Variants in TBCD observed in about 807,000 individuals in gnomAD.
The protein encoded by TBCD is tubulin-specific chaperone D.
TBCD carries 105 observed loss-of-function variants against 169.3 expected under a neutral mutation model. That is an observed-to-expected ratio of 0.62 (90% CI 0.53 to 0.73). The LOEUF (loss-of-function observed/expected upper bound fraction) is 0.73, where lower values mean the gene tolerates loss of function less well. TBCD is among the 30% of genes least tolerant of loss of function. TBCD has a pLI of 0.00. For missense variants in TBCD, 1,444 were observed against 1,600.1 expected (o/e 0.90, Z 1.66); for synonymous variants, 700 against 643.9 (o/e 1.09, Z -1.32).
chr17:82,799,397 C>T lies in TBCD; in HGVS notation c.818-1467C>T, dbSNP rs370358002. Among the ~76,000 whole-genome samples the T allele has an allele frequency of 7.4e-5, 10 of 134,734 alleles. No individual in the cohort carries two copies. In the East Asian group the frequency reaches 1.6e-3, roughly 21 times the overall value. 88.4% of individuals were successfully genotyped at this position (134,734 alleles called of 152,430 possible). ...GTTGGAGGTTGCAGTGAGCTGAGAT[C>T]GCGCCACAGCACTCTAGCCTGGCGA... On this transcript the variant is annotated intron_variant, in intron 8 of 38. Transcript: ENST00000355528.
chr17:82,873,569 G>A (rs2057760507), intron 14 of TBCD, among the ~76,000 whole-genome samples: 1 of 152,226 alleles, frequency 6.6e-6, no homozygotes. Flanking sequence ...GCTGGGGCCG[G>A]AGAGAAAAGT....
intron 13 of TBCD, chr17:82,860,296 ATGG>A: frequency 1.1e-6 from 1 of 905,284 alleles, no homozygotes; most frequent in Non-Finnish European, 1.3e-6. Flanking sequence ...CGCCCCCTGC[ATGG>A]CGGTCACGCT....
intron 6 of TBCD, among the ~76,000 whole-genome samples, chr17:82,779,004 ATTT>A (rs2048776220): frequency 2.4e-5 from 1 of 41,054 alleles, no homozygotes; most frequent in Non-Finnish European, 4.4e-5. Flanking sequence ...GATGGGGTTT[ATTT>A]ATTTATTTAT....
At chr17:82,893,671 A>AAAATCAGATTGGATGTCAG (rs1369705522) in intron 17 of TBCD, 39 bp downstream of exon 17, 3 of 1,433,522 alleles carry the variant, frequency 2.1e-6, no homozygotes, top group Middle Eastern at 3.5e-4. Flanking sequence ...AGAATACTCT[A>AAAATCAGATTGGATGTCAG]AAATCAGATT....
At chr17:82,852,360 A>T (rs2055867573) in intron 13 of TBCD, among the ~76,000 whole-genome samples, 1 of 152,052 alleles carries the variant, frequency 6.6e-6, no homozygotes, top group African/African-American at 2.4e-5. Context: ...GTGGCATCTT[A>T]GTCAGCTCAG....
intron 24 of TBCD, 36 bp from the exon 25 acceptor site, chr17:82,921,465 T>C (rs752663190): frequency 1.3e-6 from 2 of 1,583,750 alleles, no homozygotes; most frequent in African/African-American, 1.3e-5. Flanking sequence ...ATGGTGTTTT[T>C]GATTGCCTGG....
chr17:82,912,675 A>C (rs1401663796), intron 23 of TBCD, among the ~76,000 whole-genome samples: 2 of 151,922 alleles, frequency 1.3e-5, no homozygotes, highest in Non-Finnish European at 2.9e-5. Flanking sequence ...AGAGGAGAGC[A>C]GGCTGGGATT....
At chr17:82,854,345 C>G (rs2056072138) in intron 13 of TBCD, among the ~76,000 whole-genome samples, 1 of 152,170 alleles carries the variant, frequency 6.6e-6, no homozygotes, top group Non-Finnish European at 1.5e-5. Context: ...AAATCCTTTC[C>G]ACATAAGACC....
At chr17:82,871,606 A>G (rs1006508123) in intron 14 of TBCD, among the ~76,000 whole-genome samples, 3 of 152,198 alleles carry the variant, frequency 2.0e-5, no homozygotes, top group Non-Finnish European at 4.4e-5. Flanking sequence ...GGGTCATGGG[A>G]TGCAGCGTCT....
intron 13 of TBCD, among the ~76,000 whole-genome samples, chr17:82,829,111 A>T (rs2053240143): frequency 6.9e-6 from 1 of 145,700 alleles, no homozygotes; most frequent in African/African-American, 2.6e-5. Flanking sequence ...CGCACCCCCC[A>T]CAGATATGCA....
chr17:82,851,901 G>C (rs1419446258), intron 13 of TBCD, among the ~76,000 whole-genome samples: 1 of 152,178 alleles, frequency 6.6e-6, no homozygotes, highest in African/African-American at 2.4e-5. Context: ...GTTGACCCAG[G>C]TGGGAATAGA....
intron 17 of TBCD, among the ~76,000 whole-genome samples, chr17:82,899,372 C>T (rs4986087): frequency 0.26 from 39,153 of 150,806 alleles, 5,050 homozygotes; most frequent in Middle Eastern, 0.32. Context: ...GCGTCCTCAG[C>T]GCACGTGTCC....
At chr17:82,936,765 C>G (rs56176890) in intron 34 of TBCD, among the ~76,000 whole-genome samples, 24,741 of 152,202 alleles carry the variant, frequency 0.16, 2,142 homozygotes, top group South Asian at 0.35. Flanking sequence ...GGTGCCCTCT[C>G]AGAGCTGCTC....
rs988620140 is a variant in TBCD at position 82,922,158 on chromosome 17, C to T, written c.2178+581C>T. Among the ~76,000 whole-genome samples, 3 of 152,132 alleles carry T rather than the reference C, an allele frequency of 2.0e-5. No individual in the cohort carries two copies. Among genetic ancestry groups the T allele is most frequent in the Non-Finnish European group, 2.9e-5 (2 of 68,020 alleles). ...GGTGGATCACTTGAGGTCAGGAGTTCGAGGCCAGCCTGGCCAACATGGTGA... is the reference window on the plus strand; with the variant it reads ...GGTGGATCACTTGAGGTCAGGAGTTTGAGGCCAGCCTGGCCAACATGGTGA... On this transcript the variant is annotated intron_variant, in intron 25 of 38. Transcript: ENST00000355528. The surrounding 1 kb of genome is among the most constrained non-coding windows in gnomAD (Gnocchi z 4.1).
chr17:82,942,733 G>A lies in TBCD; in HGVS notation c.*270G>A. The A allele has an allele frequency of 3.6e-6, 2 of 551,284 alleles. No individual in the cohort carries two copies. The highest frequency in any genetic ancestry group is 6.4e-6 in the Non-Finnish European group (2 of 310,298). 34.1% of individuals were successfully genotyped at this position (551,284 alleles called of 1,614,324 possible). The stretch of plus-strand genomic sequence containing the variant: ...CCTGCCTTTTGTCTCTGAGCCTGAT[G>A]TGTGTAGGGGTGATGGAAAGGCTCA... On this transcript the variant is annotated 3_prime_UTR_variant, in exon 39 of 39. Transcript: ENST00000355528.
chr17:82,904,905 C>T (rs1222848532), intron 19 of TBCD, among the ~76,000 whole-genome samples: 1 of 152,198 alleles, frequency 6.6e-6, no homozygotes, highest in East Asian at 1.9e-4. Flanking sequence ...AGAGCACGGA[C>T]ACCCAGAACA....
At chr17:82,905,833 G>A (rs1412396537) in intron 19 of TBCD, 103 bp from the exon 20 acceptor site, 8 of 827,162 alleles carry the variant, frequency 9.7e-6, no homozygotes, top group South Asian at 5.0e-5. Flanking sequence ...GTGTGTGCAC[G>A]CCGTCGCCTG....
At chr17:82,911,961 C>G (rs1035157193) in intron 23 of TBCD, among the ~76,000 whole-genome samples, 172 bp downstream of exon 23, 1 of 151,952 alleles carries the variant, frequency 6.6e-6, no homozygotes, top group East Asian at 1.9e-4. Flanking sequence ...GTGGTTCCTA[C>G]GAGGGAGAGA....
chr17:82,937,770 C>T, intron 35 of TBCD: 1 of 1,170,154 alleles, frequency 8.5e-7, no homozygotes, highest in African/African-American at 1.6e-5. Context: ...TCTGTGGCTC[C>T]TTGAGGTGGG....
Sources: gnomAD v4.1 joint callset for allele counts (sites outside exome capture counted in the v4.1 genomes callset) on GRCh38, gnomAD v4.1.1 for gene constraint, Gnocchi (gnomAD v3.1) non-coding constraint, MANE v1.5 for transcripts, NCBI Gene and HGNC (gene_info 2026-07-23, HGNC 2026-07-21) for gene names.